Variants in FGF14 observed in about 807,000 individuals in gnomAD.
FGF14 encodes the protein fibroblast growth factor homologous factor 4.
Under a neutral mutation model 25.5 loss-of-function variants are expected in FGF14, and 5 were observed. The ratio of observed to expected loss-of-function variants is 0.20; its 90% confidence interval spans 0.10 to 0.41. FGF14 has a LOEUF of 0.41. FGF14 is among the 10% of genes least tolerant of loss of function. The pLI is 1.00. For missense variants in FGF14, 222 were observed against 320.1 expected, an observed-to-expected ratio of 0.69 and a Z score of 2.34; for synonymous variants, 138 against 118.3, an observed-to-expected ratio of 1.17 and a Z score of -1.08.
At chr13:102,282,358 A>G (rs2053888123) in intron 1 of FGF14, among the ~76,000 whole-genome samples, 1 of 151,984 alleles carries the variant, frequency 6.6e-6, no homozygotes, top group African/African-American at 2.4e-5. Flanking sequence ...CCAGCCTCCT[A>G]TCCCTACTTC....
At chr13:102,376,548 C>T (rs2058045522) in intron 1 of FGF14, among the ~76,000 whole-genome samples, 1 of 152,118 alleles carries the variant, frequency 6.6e-6, no homozygotes, top group Admixed American at 6.6e-5. Context: ...CTTTTATAGC[C>T]CAGGCCTCCT....
chr13:101,806,500 A>G (rs1405685500), intron 3 of FGF14, among the ~76,000 whole-genome samples: 5 of 151,994 alleles, frequency 3.3e-5, no homozygotes, highest in African/African-American at 1.2e-4. Flanking sequence ...TCATTCCAAA[A>G]TATGAACAAA....
chr13:101,896,164 T>C (rs995762847), intron 1 of FGF14, among the ~76,000 whole-genome samples: 1 of 152,120 alleles, frequency 6.6e-6, no homozygotes, highest in Non-Finnish European at 1.5e-5. Context: ...TTTTTACTAT[T>C]AAGGTGGGGC....
At chr13:102,037,245 A>G (rs976798002) in intron 1 of FGF14, among the ~76,000 whole-genome samples, 1 of 152,114 alleles carries the variant, frequency 6.6e-6, no homozygotes, top group Non-Finnish European at 1.5e-5. Context: ...TAATCTACAG[A>G]AATTTATTGT....
chr13:102,065,352 G>T (rs2042858891), intron 1 of FGF14, among the ~76,000 whole-genome samples: 1 of 151,960 alleles, frequency 6.6e-6, no homozygotes, highest in African/African-American at 2.4e-5. Context: ...AATACACTTG[G>T]CTCTTCCAAT....
chr13:102,020,000 G>A (rs530401219), intron 1 of FGF14, among the ~76,000 whole-genome samples: 12 of 152,206 alleles, frequency 7.9e-5, no homozygotes, highest in African/African-American at 2.9e-4. Context: ...AAGCATGAAA[G>A]ACTGCATTGT....
chr13:101,979,604 C>G (rs1025989519), intron 1 of FGF14, among the ~76,000 whole-genome samples: 1 of 152,098 alleles, frequency 6.6e-6, no homozygotes, highest in Non-Finnish European at 1.5e-5. Flanking sequence ...AACCTTATAT[C>G]TAGAAGCTGG....
intron 1 of FGF14, among the ~76,000 whole-genome samples, chr13:102,377,438 T>G (rs1186838149): frequency 6.6e-6 from 1 of 152,214 alleles, no homozygotes. Context: ...AGAAAATATT[T>G]TAAAATATCC....
chr13:102,032,746 A>T (rs1224779362), intron 1 of FGF14, among the ~76,000 whole-genome samples: 1 of 152,148 alleles, frequency 6.6e-6, no homozygotes, highest in East Asian at 1.9e-4. Context: ...TGACCCTTGC[A>T]GATGCACTGT....
intron 1 of FGF14, among the ~76,000 whole-genome samples, chr13:101,935,512 G>C (rs1055352968): frequency 2.6e-5 from 4 of 152,180 alleles, no homozygotes; most frequent in Admixed American, 2.0e-4. Context: ...CTGTTCTCAT[G>C]ATAGTCAGTG....
chr13:101,968,854 CTT>C (rs10623595), intron 1 of FGF14, among the ~76,000 whole-genome samples: 20 of 132,064 alleles, frequency 1.5e-4, no homozygotes, highest in South Asian at 2.5e-4. Flanking sequence ...CATCAACAGC[CTT>C]TTTTTTTTTT....
intron 1 of FGF14, among the ~76,000 whole-genome samples, chr13:102,113,790 T>C (rs1033785431): frequency 6.6e-6 from 1 of 152,194 alleles, no homozygotes; most frequent in Non-Finnish European, 1.5e-5. Context: ...AAGATGTGTT[T>C]ACACTGAAGA....
chr13:102,022,018 G>A (rs2040679021), intron 1 of FGF14, among the ~76,000 whole-genome samples: 1 of 152,032 alleles, frequency 6.6e-6, no homozygotes, highest in Non-Finnish European at 1.5e-5. Context: ...TCCCCAGATA[G>A]AACTGCCATA....
chr13:102,358,453 A>G (rs1257508881), intron 1 of FGF14, among the ~76,000 whole-genome samples: 1 of 152,200 alleles, frequency 6.6e-6, no homozygotes, highest in Non-Finnish European at 1.5e-5. Flanking sequence ...GACTGAAAAC[A>G]GTTTGGTGCC....
intron 1 of FGF14, among the ~76,000 whole-genome samples, chr13:102,346,858 T>C (rs1011458508): frequency 1.3e-5 from 2 of 152,214 alleles, no homozygotes; most frequent in African/African-American, 4.8e-5. Flanking sequence ...ATTTTAGTAT[T>C]AGTCAACAAT....
intron 1 of FGF14, among the ~76,000 whole-genome samples, chr13:102,204,815 G>A (rs1302269508): frequency 6.6e-6 from 1 of 152,136 alleles, no homozygotes; most frequent in Non-Finnish European, 1.5e-5. Context: ...AAAGTGCTAG[G>A]ATTGGTGCAA....
At chr13:102,072,271 T>C (rs923998353) in intron 1 of FGF14, among the ~76,000 whole-genome samples, 23 of 152,148 alleles carry the variant, frequency 1.5e-4, no homozygotes, top group South Asian at 2.1e-4. Flanking sequence ...TTGGGGAAAA[T>C]TGGGTCATTG....
chr13:101,816,210 C>A (rs1414830735), intron 3 of FGF14, among the ~76,000 whole-genome samples: 1 of 145,276 alleles, frequency 6.9e-6, no homozygotes, highest in African/African-American at 2.6e-5. Context: ...GCGGAGCTTG[C>A]AGTGAGCCGA....
chr13:101,753,312 C>G (rs1424649915), intron 3 of FGF14, among the ~76,000 whole-genome samples: 3 of 151,220 alleles, frequency 2.0e-5, no homozygotes, highest in African/African-American at 7.3e-5. Flanking sequence ...CACACACACA[C>G]ACACACACAC....
Sources: allele counts gnomAD v4.1 joint callset (sites outside exome capture counted in the v4.1 genomes callset), GRCh38; gene constraint gnomAD v4.1.1; transcripts MANE v1.5; gene names NCBI Gene and HGNC (gene_info 2026-07-23, HGNC 2026-07-21).